The following EPHB1 variants were observed in gnomAD, a reference collection of about 807,000 sequenced individuals.
The protein encoded by EPHB1 is ephrin type-B receptor 1.
In EPHB1, 30 loss-of-function variants were observed where a neutral mutation model predicts 94.4. That is an observed-to-expected ratio of 0.32 (90% CI 0.24 to 0.43). EPHB1 has a LOEUF of 0.43. Ranked by LOEUF, EPHB1 falls within the 20% of genes least tolerant of loss-of-function variation. The pLI is 1.00. For synonymous variants in EPHB1, 522 were observed against 489.1 expected (o/e 1.07, Z -0.89); for missense variants, 1,055 against 1,308.3 (o/e 0.81, Z 2.99).
At chr3:134,966,996 G>C (rs1467490984) in intron 3 of EPHB1, among the ~76,000 whole-genome samples, 1 of 152,206 alleles carries the variant, frequency 6.6e-6, no homozygotes, top group African/African-American at 2.4e-5. Flanking sequence ...GCTTAGAATA[G>C]AGCTGCCTTG....
intron 1 of EPHB1, among the ~76,000 whole-genome samples, chr3:134,853,181 G>A (rs930403708): frequency 2.0e-5 from 3 of 152,326 alleles, no homozygotes; most frequent in East Asian, 1.9e-4. Flanking sequence ...AGGGGAAGGC[G>A]AAAGCTTACC....
chr3:134,926,120 C>T (rs1459791385), intron 2 of EPHB1, among the ~76,000 whole-genome samples: 1 of 152,148 alleles, frequency 6.6e-6, no homozygotes, highest in African/African-American at 2.4e-5. Context: ...GACACCTAGA[C>T]AACTAGGGCC....
intron 1 of EPHB1, among the ~76,000 whole-genome samples, chr3:134,882,823 T>C (rs1250570468): frequency 1.5e-4 from 4 of 26,828 alleles, no homozygotes; most frequent in African/African-American, 2.8e-4. Flanking sequence ...TCTTTCTTTC[T>C]TTTCTTTCTT....
chr3:135,254,661 T>C (rs1331913681), intron 15 of EPHB1, among the ~76,000 whole-genome samples: 1 of 148,624 alleles, frequency 6.7e-6, no homozygotes, highest in Admixed American at 6.7e-5. Flanking sequence ...TCAGGGATAT[T>C]GGTCTAAAAT....
intron 1 of EPHB1, among the ~76,000 whole-genome samples, chr3:134,900,641 G>A (rs1466349558): frequency 2.0e-5 from 3 of 152,196 alleles, no homozygotes; most frequent in African/African-American, 7.2e-5. Flanking sequence ...AAAAGCATGT[G>A]AGGACATAAG....
At chr3:134,925,946 G>A in intron 2 of EPHB1, 66 bp downstream of exon 2, 2 of 1,383,482 alleles carry the variant, frequency 1.4e-6, no homozygotes, top group Non-Finnish European at 2.0e-6. Flanking sequence ...ATATCTAGGG[G>A]AGTAGAGACT....
At chr3:134,872,983 C>G (rs2037534009) in intron 1 of EPHB1, among the ~76,000 whole-genome samples, 2 of 152,196 alleles carry the variant, frequency 1.3e-5, no homozygotes, top group Non-Finnish European at 2.9e-5. Flanking sequence ...GGGAATATCT[C>G]ATGGACCAGA....
intron 3 of EPHB1, among the ~76,000 whole-genome samples, chr3:134,968,543 A>G (rs573905568): frequency 6.6e-6 from 1 of 152,224 alleles, no homozygotes; most frequent in Non-Finnish European, 1.5e-5. Context: ...TTTGTTAGTT[A>G]ACATTTTTTA....
chr3:134,882,800 T>TTCTTTCTTTC, intron 1 of EPHB1, among the ~76,000 whole-genome samples: 1 of 79,242 alleles, frequency 1.3e-5, no homozygotes, highest in African/African-American at 4.2e-5. Context: ...CTTTCTTTCT[T>TTCTTTCTTTC]TCTTTCTTTC....
At chr3:134,821,678 G>A (rs989999112) in intron 1 of EPHB1, among the ~76,000 whole-genome samples, 1 of 152,190 alleles carries the variant, frequency 6.6e-6, no homozygotes, top group Non-Finnish European at 1.5e-5. Context: ...AGGCGATGAA[G>A]GGCAGAAGCC....
At position 135,049,778 on chromosome 3, in the gene EPHB1, T is replaced by C. The variant is rs142540626; in HGVS notation, c.806-56670T>C. On this transcript the variant is annotated intron_variant, in intron 3 of 15. Transcript: ENST00000398015. ...GAAGTCCTGAGCACCAATTTTGAGT[T>C]GGTTTCTATGTGAGGACACAGGTGA... Among the ~76,000 whole-genome samples the C allele has an allele frequency of 4.6e-3, 694 of 152,320 alleles. 3 individuals are homozygous for C. Among genetic ancestry groups the C allele is most frequent in the African/African-American group, 0.016 (658 of 41,572 alleles).
intron 3 of EPHB1, among the ~76,000 whole-genome samples, chr3:135,072,531 G>A (rs56252750): frequency 0.026 from 3,973 of 152,156 alleles, 73 homozygotes; most frequent in Middle Eastern, 0.044. Flanking sequence ...CTTCCAGTCT[G>A]CCCAGTCTCT....
intron 4 of EPHB1, among the ~76,000 whole-genome samples, chr3:135,126,209 A>G (rs1339088561): frequency 6.6e-6 from 1 of 152,190 alleles, no homozygotes; most frequent in Admixed American, 6.5e-5. Context: ...ATTGAACTTC[A>G]TATTGAAGTA....
rs1242675564 is a variant in EPHB1, at chr3:134,951,256, G to T, written c.124-115G>T. 7.3e-6 allele frequency: 6 copies of T among 821,738 alleles called. No individual in the cohort carries two copies. In the African/African-American group the frequency reaches 8.6e-5, roughly 12 times the overall value. 50.9% of individuals were successfully genotyped at this position (821,738 alleles called of 1,614,324 possible). ...ATTTCTCAAGTCAATCTGCTGGACT[G>T]GTGAGCTCTTAAGGCCCCTTAGCCC... is the stretch of plus-strand genomic sequence containing the variant. On this transcript the variant is annotated intron_variant, in intron 2 of 15. Coordinates refer to ENST00000398015, the MANE Select transcript of EPHB1 (RefSeq NM_004441.5). The surrounding 1 kb of genome is among the most constrained non-coding windows in gnomAD (Gnocchi z 4.5).
intron 1 of EPHB1, among the ~76,000 whole-genome samples, chr3:134,850,853 C>G (rs952415978): frequency 1.3e-5 from 2 of 152,234 alleles, no homozygotes; most frequent in African/African-American, 4.8e-5. Context: ...TCCCCAGGAG[C>G]AGGGTCAGCT....
intron 14 of EPHB1, among the ~76,000 whole-genome samples, chr3:135,249,026 G>C (rs763538587): frequency 8.5e-5 from 13 of 152,110 alleles, no homozygotes; most frequent in Non-Finnish European, 1.9e-4. Flanking sequence ...TGAATGGTGA[G>C]GCTCCTAAAT....
intron 5 of EPHB1, among the ~76,000 whole-genome samples, chr3:135,151,931 G>T (rs1941206805): frequency 6.6e-6 from 1 of 152,194 alleles, no homozygotes; most frequent in South Asian, 2.1e-4. Flanking sequence ...GGACTGAACA[G>T]CAGGGACATG....
intron 1 of EPHB1, among the ~76,000 whole-genome samples, chr3:134,891,126 G>A (rs2107685337): frequency 6.6e-6 from 1 of 152,028 alleles, no homozygotes; most frequent in South Asian, 2.1e-4. Flanking sequence ...TTTTTTTTAA[G>A]ACAGGGTCTT....
At chr3:135,084,222 G>A (rs1938262691) in intron 3 of EPHB1, among the ~76,000 whole-genome samples, 1 of 152,134 alleles carries the variant, frequency 6.6e-6, no homozygotes, top group African/African-American at 2.4e-5. Flanking sequence ...ATTATTGATG[G>A]AGATGCCCTG....
Sources: allele counts gnomAD v4.1 joint callset (sites outside exome capture counted in the v4.1 genomes callset), GRCh38; gene constraint gnomAD v4.1.1; non-coding constraint Gnocchi (gnomAD v3.1); transcripts MANE v1.5; gene names NCBI Gene and HGNC (gene_info 2026-07-23, HGNC 2026-07-21).